The following PICALM variants were observed in gnomAD, a reference collection of about 807,000 sequenced individuals.
PICALM encodes phosphatidylinositol-binding clathrin assembly protein.
In PICALM, 40 loss-of-function variants were observed where a neutral mutation model predicts 80.5. The observed-to-expected ratio is 0.50, with a 90% CI of 0.39 to 0.65. The LOEUF is 0.65. Ranked by LOEUF, PICALM falls within the 30% of genes least tolerant of loss-of-function variation. The pLI, the probability that PICALM is intolerant of heterozygous loss-of-function variation, is 0.00. For missense variants in PICALM, 676 were observed against 778.9 expected (o/e 0.87, Z 1.57); for synonymous variants, 288 against 260.3 (o/e 1.11, Z -1.02).
At position 85,981,229 on chromosome 11, in the gene PICALM, CT is replaced by C. The variant is rs747690648; in HGVS notation, c.1680-2del. On this transcript the variant is annotated splice_acceptor_variant, in intron 16 of 19. Transcript: ENST00000393346. LOFTEE classifies it high-confidence loss of function. The stretch of plus-strand genomic sequence containing the variant: ...ACCTGGTTGACTCCAATTTACATCA[CT>C]TTAAATAAACATAAGTGAGAATATT... 8.7e-6 allele frequency: 13 copies of C among 1,493,998 alleles called. No individual in the cohort carries two copies. The highest frequency in any genetic ancestry group is 1.2e-5 in the Non-Finnish European group (13 of 1,070,926). The allele number at this position is 1,493,998 out of a possible 1,614,324, so 92.5% of individuals were successfully genotyped here.
intron 2 of PICALM, among the ~76,000 whole-genome samples, chr11:86,028,579 T>G (rs1327988756): frequency 6.6e-6 from 1 of 152,216 alleles, no homozygotes; most frequent in Non-Finnish European, 1.5e-5. Context: ...CCTTGGTCAA[T>G]TCTATTTACC....
chr11:85,961,798 A>G (rs890096582), intron 19 of PICALM, among the ~76,000 whole-genome samples: 19 of 152,298 alleles, frequency 1.2e-4, no homozygotes, highest in African/African-American at 4.6e-4. Context: ...ATACTTCAAC[A>G]TTCAAATCCT....
At chr11:85,996,002 T>C (rs1304373488) in intron 12 of PICALM, among the ~76,000 whole-genome samples, 2 of 152,188 alleles carry the variant, frequency 1.3e-5, no homozygotes, top group Non-Finnish European at 2.9e-5. Context: ...AGGGTTTTAC[T>C]ATCTGCTCTG....
chr11:86,004,419 C>G (rs1240153363), intron 8 of PICALM, among the ~76,000 whole-genome samples: 1 of 151,490 alleles, frequency 6.6e-6, no homozygotes. Context: ...TGGAAGGGGG[C>G]ATAAGGATTG....
At chr11:86,068,579 A>C in intron 1 of PICALM, 72 bp downstream of exon 1, 1 of 1,182,914 alleles carries the variant, frequency 8.5e-7, no homozygotes, top group Non-Finnish European at 1.2e-6. Flanking sequence ...GTGAAAGACA[A>C]GAGAGAGAGA....
rs2135993618 is a variant in PICALM, at chr11:85,995,351, T to C, written c.1258+1475A>G. Among the ~76,000 whole-genome samples the C allele has an allele frequency of 2.0e-5, 3 of 152,342 alleles. No homozygotes were observed. The South Asian group carries it at 6.2e-4, about 32-fold the overall frequency. ...AAATGTATTCCAATATATTGCAGTC[T>C]GTCACATAGAGACTTTGATGGAATA... On this transcript the variant is annotated intron_variant, in intron 12 of 19. Coordinates refer to ENST00000393346, the MANE Select transcript of PICALM (RefSeq NM_007166.4).
At chr11:86,031,403 G>C (rs1239245753) in intron 2 of PICALM, 66 bp downstream of exon 2, 1 of 1,304,308 alleles carries the variant, frequency 7.7e-7, no homozygotes, top group East Asian at 2.4e-5. Flanking sequence ...TGAAGTTTCA[G>C]TGAGAGAAGC....
chr11:85,997,280 ACT>A (rs1490745445), intron 11 of PICALM, among the ~76,000 whole-genome samples: 3 of 152,230 alleles, frequency 2.0e-5, no homozygotes, highest in Non-Finnish European at 1.5e-5. Flanking sequence ...TTTTAATAAA[ACT>A]CTTTTCTTAC....
At position 86,012,385 on chromosome 11, in the gene PICALM, C is replaced by T. The variant is rs1172716942; in HGVS notation, c.554G>A (p.Ser185Asn). 4 of 1,585,758 alleles carry T rather than the reference C, an allele frequency of 2.5e-6. No homozygotes were observed. The highest frequency in any genetic ancestry group is 2.2e-5 in the East Asian group (1 of 44,488). ...MDALLDFNVN[S>N]NELTNGVINA... ...TATTACCCCATTTGTAAGTTCATTG[C>T]TATTAACCTAGGGAAAAATTGGAAA... The change falls in exon 6 of 20, where the codon AGC (serine) becomes AAC (asparagine). Residue 185 changes from serine (S) to asparagine (N), a missense_variant. By Grantham distance (46) the Ser-to-Asn change is conservative. Coordinates refer to ENST00000393346, the MANE Select transcript of PICALM (RefSeq NM_007166.4).
In PICALM at chr11:86,044,330, G is replaced by C. The variant is rs187098096; in HGVS notation, c.131-12719C>G. On this transcript the variant is annotated intron_variant, in intron 1 of 19. Coordinates refer to ENST00000393346, the MANE Select transcript of PICALM (RefSeq NM_007166.4). ...GGAGGCCTATGGAACTGACCATCATGATCAACTACCACCTTCCACATAGTG... is the reference window on the plus strand; with the variant it reads ...GGAGGCCTATGGAACTGACCATCATCATCAACTACCACCTTCCACATAGTG... 2.6e-4 allele frequency among the ~76,000 whole-genome samples: 39 copies of C among 152,276 alleles called. 1 individual carries two copies. The highest frequency in any genetic ancestry group is 8.7e-4 in the African/African-American group (36 of 41,570).
At chr11:86,022,308 C>T (rs2095578020) in intron 4 of PICALM, 59 bp downstream of exon 4, 1 of 922,148 alleles carries the variant, frequency 1.1e-6, no homozygotes, top group South Asian at 1.5e-5. Flanking sequence ...CTAGTAACTC[C>T]TATGTTTTAC....
chr11:85,984,022 T>C, intron 13 of PICALM, 49 bp from the exon 14 acceptor site: 3 of 781,850 alleles, frequency 3.8e-6, no homozygotes, highest in South Asian at 1.6e-5. Flanking sequence ...TAACTCTACA[T>C]TTACGACTAT....
At chr11:85,963,920 CTT>C (rs10686143) in intron 19 of PICALM, among the ~76,000 whole-genome samples, 9 of 72,890 alleles carry the variant, frequency 1.2e-4, no homozygotes, top group South Asian at 6.3e-4. Flanking sequence ...CCACACCTGG[CTT>C]TTTTTTTTTT....
chr11:85,971,152 C>G (rs1325290163), intron 19 of PICALM, among the ~76,000 whole-genome samples: 1 of 152,284 alleles, frequency 6.6e-6, no homozygotes, highest in East Asian at 1.9e-4. Context: ...GAGACCAAAG[C>G]TTCTTCAAGC....
chr11:85,962,485 G>A (rs986002032), intron 19 of PICALM, among the ~76,000 whole-genome samples: 3 of 152,206 alleles, frequency 2.0e-5, no homozygotes, highest in African/African-American at 7.2e-5. Flanking sequence ...GTAGCAGTCT[G>A]AAGACCTGAC....
intron 17 of PICALM, among the ~76,000 whole-genome samples, chr11:85,979,855 T>C (rs2094390472): frequency 6.6e-6 from 1 of 152,164 alleles, no homozygotes; most frequent in African/African-American, 2.4e-5. Context: ...CTTCAAACTT[T>C]TCCACAAGGA....
chr11:86,042,889 T>C (rs1465413423), intron 1 of PICALM, among the ~76,000 whole-genome samples: 1 of 152,042 alleles, frequency 6.6e-6, no homozygotes, highest in East Asian at 1.9e-4. Flanking sequence ...CAGAGTACTA[T>C]AAAGGAAAAA....
chr11:86,030,036 T>G (rs954192761), intron 2 of PICALM, among the ~76,000 whole-genome samples: 3 of 152,058 alleles, frequency 2.0e-5, no homozygotes, highest in Non-Finnish European at 2.9e-5. Context: ...TAACGATGAA[T>G]CAGAAAACTC....
intron 1 of PICALM, among the ~76,000 whole-genome samples, chr11:86,052,773 A>G (rs2096210686): frequency 6.6e-6 from 1 of 152,228 alleles, no homozygotes; most frequent in Admixed American, 6.5e-5. Context: ...AGGTCATATA[A>G]TTAAAAGTCA....
Sources: gnomAD v4.1 joint callset for allele counts (sites outside exome capture counted in the v4.1 genomes callset) on GRCh38, gnomAD v4.1.1 for gene constraint, MANE v1.5 for transcripts, NCBI Gene and HGNC (gene_info 2026-07-23, HGNC 2026-07-21) for gene names.